Variants in LYPLAL1 observed in about 807,000 individuals in gnomAD.
The protein encoded by LYPLAL1 is lysophospholipase like 1.
In LYPLAL1, 23 loss-of-function variants were observed where a neutral mutation model predicts 19.7. That is an observed-to-expected ratio of 1.17 (90% CI 0.84 to 1.65). The LOEUF is 1.65. Ranked by LOEUF, LYPLAL1 falls within the 40% of genes most tolerant of loss-of-function variation. The pLI, the probability that LYPLAL1 is intolerant of heterozygous loss-of-function variation, is 0.00. For synonymous variants in LYPLAL1, 119 were observed against 96.3 expected (o/e 1.24, Z -1.38); for missense variants, 355 against 279.4 (o/e 1.27, Z -1.93).
At chr1:219,422,221 T>C in the LYPLAL1 span, among the ~76,000 whole-genome samples, 1 of 152,250 alleles carries the variant, frequency 6.6e-6, no homozygotes, top group Non-Finnish European at 1.5e-5. Context: ...AATTCTGTCA[T>C]TGTAGTGCAA....
At chr1:219,396,051 C>T in the LYPLAL1 span, among the ~76,000 whole-genome samples, 6 of 149,066 alleles carry the variant, frequency 4.0e-5, no homozygotes, top group East Asian at 2.0e-4. Flanking sequence ...TGCAGTGAGC[C>T]GAGATTGCAC....
chr1:219,298,422 A>T, the LYPLAL1 span, among the ~76,000 whole-genome samples: 1 of 152,244 alleles, frequency 6.6e-6, no homozygotes, highest in Non-Finnish European at 1.5e-5. Flanking sequence ...CGACCACTAA[A>T]GGAGGCGCTG....
the LYPLAL1 span, among the ~76,000 whole-genome samples, chr1:219,338,085 T>C: frequency 6.6e-6 from 1 of 152,040 alleles, no homozygotes; most frequent in Non-Finnish European, 1.5e-5. Flanking sequence ...ATTCTCATTT[T>C]ACGTGGTTTG....
chr1:219,189,525 G>A (rs1471668061), intron 2 of LYPLAL1, among the ~76,000 whole-genome samples: 1 of 151,606 alleles, frequency 6.6e-6, no homozygotes, highest in Non-Finnish European at 1.5e-5. Context: ...AGGAAGGTTT[G>A]AATGCTTTCT....
the LYPLAL1 span, among the ~76,000 whole-genome samples, chr1:219,373,869 A>AC: frequency 4.5e-5 from 1 of 22,102 alleles, no homozygotes; most frequent in African/African-American, 1.2e-4. Context: ...TTGTCAAAAA[A>AC]AAAAAAAAAA....
At chr1:219,185,418 A>G (rs1417536953) in intron 2 of LYPLAL1, among the ~76,000 whole-genome samples, 5 of 151,014 alleles carry the variant, frequency 3.3e-5, no homozygotes, top group African/African-American at 1.2e-4. Flanking sequence ...ATTTTCTTCT[A>G]TTTACATTAA....
At chr1:219,241,262 G>A in the LYPLAL1 span, among the ~76,000 whole-genome samples, 1 of 150,130 alleles carries the variant, frequency 6.7e-6, no homozygotes, top group Non-Finnish European at 1.5e-5. Context: ...ACTATTTGGA[G>A]TAGAACCACA....
the LYPLAL1 span, among the ~76,000 whole-genome samples, chr1:219,246,532 A>G: frequency 6.6e-6 from 1 of 151,948 alleles, no homozygotes; most frequent in African/African-American, 2.4e-5. Flanking sequence ...CGACACCAGA[A>G]CTCTCTCCCT....
intron 2 of LYPLAL1, chr1:219,179,491 G>C: frequency 2.6e-6 from 1 of 384,646 alleles, no homozygotes; most frequent in Non-Finnish European, 4.6e-6. Context: ...TGTGTCCCAA[G>C]CATGGCTTAT....
At chr1:219,253,265 T>C in the LYPLAL1 span, among the ~76,000 whole-genome samples, 170 of 152,084 alleles carry the variant, frequency 1.1e-3, 2 homozygotes, top group Admixed American at 4.6e-4. Context: ...TTTAATAACT[T>C]TTTGTGTCTT....
At chr1:219,393,881 T>A in the LYPLAL1 span, among the ~76,000 whole-genome samples, 1 of 151,648 alleles carries the variant, frequency 6.6e-6, no homozygotes, top group Non-Finnish European at 1.5e-5. Flanking sequence ...CTAAAGATAT[T>A]TGGGTTTGCT....
the LYPLAL1 span, among the ~76,000 whole-genome samples, chr1:219,421,656 A>G: frequency 6.6e-6 from 1 of 152,136 alleles, no homozygotes; most frequent in African/African-American, 2.4e-5. Context: ...AGATTCTATT[A>G]TCCTACAAGA....
chr1:219,220,333 T>G, the LYPLAL1 span, among the ~76,000 whole-genome samples: 2 of 151,948 alleles, frequency 1.3e-5, no homozygotes, highest in Non-Finnish European at 2.9e-5. Context: ...TAACCAGAAT[T>G]AAGTTTAAAT....
At chr1:219,350,422 T>C in the LYPLAL1 span, among the ~76,000 whole-genome samples, 3 of 152,206 alleles carry the variant, frequency 2.0e-5, no homozygotes, top group African/African-American at 7.2e-5. Context: ...TTGGAAATAA[T>C]CTTCAGCTTT....
At chr1:219,365,064 G>A in the LYPLAL1 span, among the ~76,000 whole-genome samples, 1 of 151,908 alleles carries the variant, frequency 6.6e-6, no homozygotes, top group East Asian at 1.9e-4. Context: ...TCCTATATTT[G>A]AAAGCATAGC....
chr1:219,205,856 T>G (rs1032202941), intron 3 of LYPLAL1, among the ~76,000 whole-genome samples: 10 of 152,208 alleles, frequency 6.6e-5, no homozygotes, highest in African/African-American at 2.2e-4. Context: ...TAGTAGGACT[T>G]TAAAGGCTCT....
chr1:219,384,957 G>A, the LYPLAL1 span, among the ~76,000 whole-genome samples: 1 of 152,170 alleles, frequency 6.6e-6, no homozygotes, highest in Non-Finnish European at 1.5e-5. Flanking sequence ...ACTTTTGGTT[G>A]TACAACAGGT....
the LYPLAL1 span, among the ~76,000 whole-genome samples, chr1:219,345,326 A>G: frequency 6.6e-6 from 1 of 152,214 alleles, no homozygotes; most frequent in Non-Finnish European, 1.5e-5. Flanking sequence ...GATTAATGGA[A>G]TGTGTAATTT....
the LYPLAL1 span, among the ~76,000 whole-genome samples, chr1:219,393,249 C>T: frequency 6.6e-6 from 1 of 152,174 alleles, no homozygotes. Context: ...AGTACCTGGG[C>T]CACCAGGTGC....
Sources: allele counts gnomAD v4.1 joint callset (sites outside exome capture counted in the v4.1 genomes callset), GRCh38; gene constraint gnomAD v4.1.1; transcripts MANE v1.5; gene names NCBI Gene and HGNC (gene_info 2026-07-23, HGNC 2026-07-21).